SPTBN1: variants seen among roughly 807,000 people sequenced by gnomAD.
SPTBN1 encodes the protein spectrin beta chain, non-erythrocytic 1.
SPTBN1 carries 32 observed loss-of-function variants against 266.4 expected under a neutral mutation model. That is an observed-to-expected ratio of 0.12 (90% CI 0.09 to 0.16). The LOEUF (loss-of-function observed/expected upper bound fraction) is 0.16. Ranked by LOEUF, SPTBN1 falls within the 10% of genes least tolerant of loss-of-function variation. SPTBN1 has a pLI of 1.00. For synonymous variants in SPTBN1, 1,336 were observed against 1,162.2 expected, an observed-to-expected ratio of 1.15 and a Z score of -3.04; for missense variants, 2,296 against 3,067.1, an observed-to-expected ratio of 0.75 and a Z score of 5.94.
intron 1 of SPTBN1, among the ~76,000 whole-genome samples, chr2:54,503,952 G>A (rs1354599278): frequency 1.3e-5 from 2 of 152,194 alleles, no homozygotes; most frequent in Non-Finnish European, 2.9e-5. Flanking sequence ...GCCTTCAGGT[G>A]TAGTATTTTG....
In SPTBN1 at chr2:54,671,400, A is replaced by G. The variant is rs1279418896; in HGVS notation, c.*2831A>G. 6.6e-6 allele frequency: 1 copy of G among 152,234 alleles called. No homozygotes were observed. The highest frequency in any genetic ancestry group is 1.5e-5 in the Non-Finnish European group (1 of 68,050). The allele number at this position is 152,234 out of a possible 1,614,324, so 9.4% of individuals were successfully genotyped here. On this transcript the variant is annotated 3_prime_UTR_variant, in exon 36 of 36. Transcript: ENST00000356805. ...ATCCTATGTTAGTTCCCCTGGATAC[A>G]TTGTTTTATCAGTCGGAATTCTTAA...
chr2:54,650,924 T>G (rs1680237633), intron 26 of SPTBN1, among the ~76,000 whole-genome samples: 1 of 152,248 alleles, frequency 6.6e-6, no homozygotes, highest in Non-Finnish European at 1.5e-5. Flanking sequence ...ATTTGTTCTA[T>G]GAAGGGACCA....
At chr2:54,576,254 A>C (rs989334479) in intron 2 of SPTBN1, among the ~76,000 whole-genome samples, 1 of 151,838 alleles carries the variant, frequency 6.6e-6, no homozygotes, top group African/African-American at 2.4e-5. Flanking sequence ...GGGTTTTACC[A>C]TGTTGGCCAG....
At position 54,662,038 on chromosome 2, in the gene SPTBN1, C is replaced by G. The variant is rs1411167352; in HGVS notation, c.6420+2039C>G. ...AGCATTGCTTCGTGCACTTTGAATACCAATCAGGTGTTTTCTGTGCTACTA... is the reference window on the plus strand; with the variant it reads ...AGCATTGCTTCGTGCACTTTGAATAGCAATCAGGTGTTTTCTGTGCTACTA... On this transcript the variant is annotated intron_variant, in intron 32 of 35. Coordinates refer to ENST00000356805, the MANE Select transcript of SPTBN1 (RefSeq NM_003128.3). 3 of 985,374 alleles carry G rather than the reference C, an allele frequency of 3.0e-6. No individual in the cohort carries two copies. In the African/African-American group the frequency reaches 5.2e-5, roughly 17 times the overall value. The allele number at this position is 985,374 out of a possible 1,614,324, so 61.0% of individuals were successfully genotyped here.
At chr2:54,637,845 T>C in intron 18 of SPTBN1, 42 bp downstream of exon 18, 1 of 1,511,834 alleles carries the variant, frequency 6.6e-7, no homozygotes, top group African/African-American at 1.4e-5. Context: ...GTTCCAGTAA[T>C]AGCAATTGCC....
chr2:54,568,025 C>T (rs1402431530), intron 2 of SPTBN1, among the ~76,000 whole-genome samples: 1 of 152,148 alleles, frequency 6.6e-6, no homozygotes, highest in African/African-American at 2.4e-5. Context: ...CCCCACAGAC[C>T]TCCTAAGTCA....
intron 3 of SPTBN1, among the ~76,000 whole-genome samples, chr2:54,605,627 T>C (rs1676783701): frequency 6.6e-6 from 1 of 152,212 alleles, no homozygotes; most frequent in African/African-American, 2.4e-5. Context: ...GATCACCTCT[T>C]GAAATTAATT....
chr2:54,623,146 A>C (rs984410580), intron 9 of SPTBN1, among the ~76,000 whole-genome samples: 1 of 152,196 alleles, frequency 6.6e-6, no homozygotes, highest in African/African-American at 2.4e-5. Flanking sequence ...TATTAGGTAG[A>C]CATTTGAAAT....
In SPTBN1 at chr2:54,653,345, C is replaced by A. The variant is rs758861462; in HGVS notation, c.5578-264C>A. 2 of 432,400 alleles carry A rather than the reference C, an allele frequency of 4.6e-6. No homozygotes were observed. Among genetic ancestry groups the A allele is most frequent in the African/African-American group, 2.1e-5 (1 of 48,592 alleles). 26.8% of individuals were successfully genotyped at this position (432,400 alleles called of 1,614,324 possible). On this transcript the variant is annotated intron_variant, in intron 26 of 35. Transcript: ENST00000356805. This position sits in a 1 kb window ranked among gnomAD's most constrained non-coding sequence, Gnocchi z 5.1. ...GCTGCCTCCAGGGGACTTTCCCTGACTAAACTCTCCTGCCTGTCTTCCTGT... is the reference window on the plus strand; with the variant it reads ...GCTGCCTCCAGGGGACTTTCCCTGAATAAACTCTCCTGCCTGTCTTCCTGT...
Position 54,653,264 on chromosome 2 carries a change from G to A in SPTBN1, c.5578-345G>A, listed in dbSNP as rs1247462028. ...CATTTATCTTTACCCCGAGATAGCA[G>A]ATTAGGTATTTATTTTTTGGACTGT... On this transcript the variant is annotated intron_variant, in intron 26 of 35. Transcript: ENST00000356805. The surrounding 1 kb of genome is among the most constrained non-coding windows in gnomAD (Gnocchi z 5.1). 2.5e-5 allele frequency: 5 copies of A among 197,510 alleles called. No individual in the cohort carries two copies. The South Asian group carries it at 6.8e-4, about 27-fold the overall frequency. 12.2% of individuals were successfully genotyped at this position (197,510 alleles called of 1,614,324 possible).
At chr2:54,483,226 A>G (rs1668188036) in intron 1 of SPTBN1, among the ~76,000 whole-genome samples, 1 of 152,192 alleles carries the variant, frequency 6.6e-6, no homozygotes, top group Non-Finnish European at 1.5e-5. Flanking sequence ...GGAAACAAGG[A>G]CAGTGCTAGC....
rs535961795 is a variant in SPTBN1, at chr2:54,489,986, G to A, written c.-48+33468G>A. Among the ~76,000 whole-genome samples the A allele has an allele frequency of 3.6e-4, 55 of 152,156 alleles. 1 individual carries two copies. Among genetic ancestry groups the A allele is most frequent in the African/African-American group, 1.3e-3 (53 of 41,508 alleles). On this transcript the variant is annotated intron_variant, in intron 1 of 35. Coordinates refer to ENST00000356805, the MANE Select transcript of SPTBN1 (RefSeq NM_003128.3). ...TTCTATAAGAACATGAGAGAACCTC[G>A]GCATTAACCATTCTTGCTGGTCTCA... is the stretch of plus-strand genomic sequence containing the variant.
At chr2:54,651,860 A>G (rs1680312022) in intron 26 of SPTBN1, among the ~76,000 whole-genome samples, 1 of 152,222 alleles carries the variant, frequency 6.6e-6, no homozygotes, top group Admixed American at 6.5e-5. Flanking sequence ...ATCAAATCAC[A>G]CTGGAAACCA....
At chr2:54,595,575 C>T (rs529532708) in intron 2 of SPTBN1, among the ~76,000 whole-genome samples, 1 of 152,384 alleles carries the variant, frequency 6.6e-6, no homozygotes, top group Admixed American at 6.5e-5. Flanking sequence ...GCTGCTGGTG[C>T]TGCTGCTCCT....
chr2:54,638,793 G>A (rs1679333236), intron 18 of SPTBN1, among the ~76,000 whole-genome samples: 2 of 152,268 alleles, frequency 1.3e-5, no homozygotes, highest in Non-Finnish European at 2.9e-5. Flanking sequence ...AGAGTATGGG[G>A]GTAGAATCAG....
chr2:54,617,718 G>A (rs564316401), intron 6 of SPTBN1, 30 bp downstream of exon 6: 43 of 1,606,514 alleles, frequency 2.7e-5, no homozygotes, highest in African/African-American at 4.0e-5. Context: ...CCTAGCAATC[G>A]TGGGGTAAAA....
At chr2:54,624,749 C>A in intron 10 of SPTBN1, 55 bp from the exon 11 acceptor site, 2 of 1,607,144 alleles carry the variant, frequency 1.2e-6, no homozygotes, top group Non-Finnish European at 1.7e-6. Context: ...ACGGAAGTTT[C>A]CTTGAACACT....
At chr2:54,666,862 A>G (rs1300382809) in intron 34 of SPTBN1, among the ~76,000 whole-genome samples, 1 of 152,200 alleles carries the variant, frequency 6.6e-6, no homozygotes, top group Non-Finnish European at 1.5e-5. Context: ...GGTTTGATTT[A>G]TTAAGCTCTG....
intron 1 of SPTBN1, among the ~76,000 whole-genome samples, chr2:54,525,715 C>G (rs759902350): frequency 6.6e-6 from 1 of 152,206 alleles, no homozygotes; most frequent in Non-Finnish European, 1.5e-5. Flanking sequence ...AGGTGTTGAT[C>G]TACCTCCGAT....
Sources: gnomAD v4.1 joint callset for allele counts (sites outside exome capture counted in the v4.1 genomes callset) on GRCh38, gnomAD v4.1.1 for gene constraint, Gnocchi (gnomAD v3.1) non-coding constraint, MANE v1.5 for transcripts, NCBI Gene and HGNC (gene_info 2026-07-23, HGNC 2026-07-21) for gene names.